NRF1: variants seen among roughly 807,000 people sequenced by gnomAD.
The protein encoded by NRF1 is alpha palindromic-binding protein.
Under a neutral mutation model 58.5 loss-of-function variants are expected in NRF1, and 5 were observed. That is an observed-to-expected ratio of 0.09 (90% CI 0.04 to 0.18). NRF1 has a LOEUF of 0.18. Ranked by LOEUF, NRF1 falls within the 10% of genes least tolerant of loss-of-function variation. NRF1 has a pLI of 1.00. For missense variants in NRF1, 288 were observed against 657.7 expected (o/e 0.44, Z 6.15); for synonymous variants, 224 against 246.7 (o/e 0.91, Z 0.86).
At chr7:129,697,445 G>A (rs1423461146) in intron 5 of NRF1, among the ~76,000 whole-genome samples, 1 of 151,728 alleles carries the variant, frequency 6.6e-6, no homozygotes, top group East Asian at 1.9e-4. Context: ...CTACTTGGGA[G>A]GGCGAGACAG....
intron 10 of NRF1, among the ~76,000 whole-genome samples, chr7:129,727,780 C>T (rs1803482206): frequency 1.3e-5 from 2 of 152,176 alleles, no homozygotes; most frequent in Admixed American, 6.5e-5. Context: ...AAGAAAGGCG[C>T]CAATGTCTCA....
chr7:129,664,073 G>A (rs1011315301), intron 2 of NRF1, among the ~76,000 whole-genome samples: 4 of 151,778 alleles, frequency 2.6e-5, no homozygotes, highest in South Asian at 2.1e-4. Flanking sequence ...TGCAGGGAGC[G>A]GAGATCTTGG....
At chr7:129,669,129 T>C (rs1217616916) in intron 2 of NRF1, among the ~76,000 whole-genome samples, 1 of 152,134 alleles carries the variant, frequency 6.6e-6, no homozygotes, top group East Asian at 1.9e-4. Flanking sequence ...GTATTTTTAG[T>C]AGAGATGGGG....
chr7:129,663,917 G>A (rs1381849050), intron 2 of NRF1, among the ~76,000 whole-genome samples: 2 of 152,194 alleles, frequency 1.3e-5, no homozygotes, highest in African/African-American at 4.8e-5. Context: ...CCGAGGCCAG[G>A]AGCTGGAGAC....
At chr7:129,625,675 A>ATTTTTTTTTTTT (rs56694598) in intron 1 of NRF1, among the ~76,000 whole-genome samples, 2 of 88,992 alleles carry the variant, frequency 2.2e-5, no homozygotes, top group Admixed American at 1.6e-4. Flanking sequence ...TAATGTTTTA[A>ATTTTTTTTTTTT]TTTTTTTTTT....
At chr7:129,614,336 G>T (rs1022828903) in intron 1 of NRF1, among the ~76,000 whole-genome samples, 2 of 151,942 alleles carry the variant, frequency 1.3e-5, no homozygotes, top group Non-Finnish European at 2.9e-5. Context: ...GGCTGGTCTC[G>T]AACTTCTGAC....
At chr7:129,676,945 G>A (rs561801096) in intron 3 of NRF1, among the ~76,000 whole-genome samples, 2 of 150,418 alleles carry the variant, frequency 1.3e-5, no homozygotes, top group South Asian at 4.2e-4. Context: ...CAAATCATTT[G>A]AACCCCTTTT....
chr7:129,630,289 A>AAATAAAAG (rs1801018685), intron 1 of NRF1: 1 of 152,238 alleles, frequency 6.6e-6, no homozygotes, highest in African/African-American at 2.4e-5. Flanking sequence ...GCAAATGATG[A>AAATAAAAG]AATAAAAGAA....
intron 10 of NRF1, among the ~76,000 whole-genome samples, chr7:129,736,222 T>A (rs1223583897): frequency 6.6e-6 from 1 of 152,038 alleles, no homozygotes. Context: ...AAAAACTTTT[T>A]AAAATATGTA....
intron 10 of NRF1, among the ~76,000 whole-genome samples, chr7:129,745,325 C>T (rs900781450): frequency 6.6e-6 from 1 of 152,154 alleles, no homozygotes; most frequent in African/African-American, 2.4e-5. Context: ...CAGATGTCCT[C>T]CAGAGCAGGG....
chr7:129,695,299 G>A (rs949709125), intron 5 of NRF1, among the ~76,000 whole-genome samples: 6 of 151,684 alleles, frequency 4.0e-5, no homozygotes, highest in African/African-American at 1.2e-4. Flanking sequence ...TAACACTGCC[G>A]GGCATGGTGG....
chr7:129,725,492 T>C (rs1466768586), intron 9 of NRF1, among the ~76,000 whole-genome samples: 1 of 152,136 alleles, frequency 6.6e-6, no homozygotes, highest in African/African-American at 2.4e-5. Flanking sequence ...CACACCTGGC[T>C]AATTTTGTAT....
At chr7:129,622,518 A>G (rs1443285675) in intron 1 of NRF1, among the ~76,000 whole-genome samples, 1 of 151,980 alleles carries the variant, frequency 6.6e-6, no homozygotes, top group East Asian at 1.9e-4. Context: ...TAATTCTACA[A>G]TGCAAAGATA....
At chr7:129,667,925 T>C (rs963461561) in intron 2 of NRF1, among the ~76,000 whole-genome samples, 6 of 152,052 alleles carry the variant, frequency 3.9e-5, no homozygotes, top group Non-Finnish European at 8.8e-5. Context: ...TGCAGCACCA[T>C]GCCTGGTTTT....
chr7:129,732,674 C>T (rs1803609494), intron 10 of NRF1, among the ~76,000 whole-genome samples: 1 of 152,034 alleles, frequency 6.6e-6, no homozygotes. Flanking sequence ...TCAATCTCAG[C>T]TCACCGCAAC....
At position 129,755,100 on chromosome 7, in the gene NRF1, G is replaced by A; in HGVS notation, c.1431G>A (p.Met477Ile). ...GCAACGGACCAGTGCAGGTGGCCAT[G>A]GCCCCTGTGACCACCAGGATATCAG... ...AQGNGPVQVAMAPVTTRISDS... is the reference protein window; with the variant it reads ...AQGNGPVQVAIAPVTTRISDS... The change falls in exon 11 of 11, where the codon ATG (methionine) becomes ATA (isoleucine). Residue 477 changes from methionine to isoleucine, a missense_variant. By Grantham distance (10) the Met-to-Ile change is conservative (BLOSUM62 1). Transcript: ENST00000393232. The surrounding 1 kb of genome is among the most constrained non-coding windows in gnomAD (Gnocchi z 5.8). 1 of 1,614,012 alleles carries A rather than the reference G, an allele frequency of 6.2e-7. No individual in the cohort carries two copies. Among genetic ancestry groups the A allele is most frequent in the Non-Finnish European group, 8.5e-7 (1 of 1,179,956 alleles).
intron 9 of NRF1, among the ~76,000 whole-genome samples, chr7:129,719,637 CT>C (rs925358583): frequency 1.3e-5 from 2 of 151,500 alleles, no homozygotes; most frequent in Non-Finnish European, 3.0e-5. Flanking sequence ...CTCTTCATTT[CT>C]TTTTTTCCCC....
intron 3 of NRF1, among the ~76,000 whole-genome samples, chr7:129,672,115 G>A (rs1200538866): frequency 6.6e-6 from 1 of 151,754 alleles, no homozygotes; most frequent in Non-Finnish European, 1.5e-5. Flanking sequence ...GCCCCGAGGT[G>A]TGAATGTGGT....
At chr7:129,707,578 GA>G (rs1378459138) in intron 5 of NRF1, among the ~76,000 whole-genome samples, 2 of 152,088 alleles carry the variant, frequency 1.3e-5, no homozygotes, top group African/African-American at 2.4e-5. Context: ...AGAATAAAGG[GA>G]AAAATGACTT....
Sources: allele counts gnomAD v4.1 joint callset (sites outside exome capture counted in the v4.1 genomes callset), GRCh38; gene constraint gnomAD v4.1.1; non-coding constraint Gnocchi (gnomAD v3.1); transcripts MANE v1.5; gene names NCBI Gene and HGNC (gene_info 2026-07-23, HGNC 2026-07-21).